Variants in ABLIM1 observed in about 807,000 individuals in gnomAD.
ABLIM1 encodes the protein actin-binding LIM protein 1.
A neutral mutation model predicts 107.0 loss-of-function variants in ABLIM1; 40 were observed. That is an observed-to-expected ratio of 0.37 (90% confidence interval 0.29 to 0.49). The LOEUF (loss-of-function observed/expected upper bound fraction) is 0.49, where lower values mean the gene tolerates loss of function less well. ABLIM1 is among the 20% of genes least tolerant of loss of function. The pLI, the probability that ABLIM1 is intolerant of heterozygous loss-of-function variation, is 0.97. For synonymous variants in ABLIM1, 357 were observed against 357.3 expected (o/e 1.00, Z 0.01); for missense variants, 857 against 1,008.5 (o/e 0.85, Z 2.04).
intron 6 of ABLIM1, among the ~76,000 whole-genome samples, chr10:114,523,877 A>G (rs1373393761): frequency 6.6e-6 from 1 of 152,184 alleles, no homozygotes; most frequent in East Asian, 1.9e-4. Context: ...AAATGCTCAC[A>G]TTTGCTGCAC....
At chr10:114,562,825 A>AC (rs1245389669) in intron 4 of ABLIM1, among the ~76,000 whole-genome samples, 1 of 152,186 alleles carries the variant, frequency 6.6e-6, no homozygotes. Flanking sequence ...TGCTAGGTGC[A>AC]CAGTGCTATT....
chr10:114,573,113 C>T (rs1458106618), intron 3 of ABLIM1, among the ~76,000 whole-genome samples: 1 of 152,188 alleles, frequency 6.6e-6, no homozygotes, highest in Non-Finnish European at 1.5e-5. Context: ...TGGCCCTTTT[C>T]AGTAATTTCC....
At position 114,440,073 on chromosome 10, in the gene ABLIM1, G is replaced by T; in HGVS notation, c.2067+9C>A. 6.2e-7 allele frequency: 1 copy of T among 1,613,776 alleles called. No individual in the cohort carries two copies. Among genetic ancestry groups the T allele is most frequent in the South Asian group, 1.1e-5 (1 of 91,038 alleles). On this transcript the variant is annotated intron_variant, in intron 20 of 22. Transcript: ENST00000533213. ...GTGGCCAATTCAAGAAAGACAAAGTGTTCCATACCTGGTAATCTGAAAAGG... is the reference window on the plus strand; with the variant it reads ...GTGGCCAATTCAAGAAAGACAAAGTTTTCCATACCTGGTAATCTGAAAAGG...
intron 22 of ABLIM1, among the ~76,000 whole-genome samples, chr10:114,436,658 C>T (rs943747194): frequency 1.3e-5 from 2 of 152,126 alleles, no homozygotes; most frequent in Non-Finnish European, 2.9e-5. Context: ...ACATTGGAGA[C>T]AACTCCATCC....
At chr10:114,529,124 CTCT>C (rs1397930894) in intron 6 of ABLIM1, among the ~76,000 whole-genome samples, 2 of 151,016 alleles carry the variant, frequency 1.3e-5, no homozygotes, top group Admixed American at 6.6e-5. Context: ...AGTCTTCATC[CTCT>C]TTTTTTTTTT....
intron 6 of ABLIM1, among the ~76,000 whole-genome samples, chr10:114,508,756 T>C (rs181751484): frequency 5.2e-4 from 79 of 152,358 alleles, no homozygotes; most frequent in Non-Finnish European, 7.8e-4. Context: ...GACATCTTCA[T>C]TGGCAGTTAC....
chr10:114,535,445 G>A (rs2065897189), intron 6 of ABLIM1, among the ~76,000 whole-genome samples: 1 of 152,076 alleles, frequency 6.6e-6, no homozygotes, highest in Non-Finnish European at 1.5e-5. Context: ...TGAGTAGCTG[G>A]GATTACAGAC....
At chr10:114,445,617 G>A (rs2060899743) in intron 15 of ABLIM1, among the ~76,000 whole-genome samples, 1 of 152,190 alleles carries the variant, frequency 6.6e-6, no homozygotes, top group Non-Finnish European at 1.5e-5. Flanking sequence ...TGACAAGCCA[G>A]GTCAACGTGC....
At chr10:114,772,728 G>A (rs1370236607), upstream of ABLIM1, among the ~76,000 whole-genome samples, 1 of 152,172 alleles carries the variant, frequency 6.6e-6, no homozygotes, top group Non-Finnish European at 1.5e-5. Context: ...TGCTGAGTGA[G>A]AGTCAGCAGA....
chr10:114,487,448 T>C (rs1403385075), intron 8 of ABLIM1, among the ~76,000 whole-genome samples: 1 of 152,242 alleles, frequency 6.6e-6, no homozygotes, highest in Non-Finnish European at 1.5e-5. Flanking sequence ...TTCCGAGAAT[T>C]GACTAATTTA....
rs150054998 is a variant in ABLIM1 at position 114,608,181 on chromosome 10, A to G, written c.245-6220T>C. Among the ~76,000 whole-genome samples the G allele has an allele frequency of 3.4e-3, 517 of 152,282 alleles. 3 individuals carry two copies. The highest frequency in any genetic ancestry group is 0.012 in the African/African-American group (494 of 41,548). ...GGAGTTCAAGACCAGCCTGGCCAAC[A>G]TGGTAAGACCCACCTCTACTAAAAA... On this transcript the variant is annotated intron_variant, in intron 1 of 22. Transcript: ENST00000533213.
intron 1 of ABLIM1, among the ~76,000 whole-genome samples, chr10:114,762,066 C>T (rs772252079): frequency 6.1e-4 from 93 of 151,936 alleles, no homozygotes; most frequent in Admixed American, 1.2e-3. Flanking sequence ...TGGAGTCTCA[C>T]TTTGTCGCCC....
At chr10:114,714,583 C>T (rs2081620022) in intron 1 of ABLIM1, among the ~76,000 whole-genome samples, 2 of 152,162 alleles carry the variant, frequency 1.3e-5, no homozygotes, top group Non-Finnish European at 2.9e-5. Flanking sequence ...CATGTGCTAC[C>T]AATGCTGTGC....
intron 1 of ABLIM1, among the ~76,000 whole-genome samples, chr10:114,715,384 T>C (rs2081639523): frequency 6.6e-6 from 1 of 152,186 alleles, no homozygotes; most frequent in South Asian, 2.1e-4. Context: ...GTAAAATCAG[T>C]TGCTAGAAAA....
At chr10:114,798,803 A>T in the ABLIM1 span, among the ~76,000 whole-genome samples, 7 of 148,552 alleles carry the variant, frequency 4.7e-5, no homozygotes, top group Non-Finnish European at 1.0e-4. Context: ...TTTTTAATTA[A>T]TTTTTTTTTT....
intron 6 of ABLIM1, among the ~76,000 whole-genome samples, chr10:114,528,108 T>A (rs964628535): frequency 6.6e-6 from 1 of 152,154 alleles, no homozygotes; most frequent in Non-Finnish European, 1.5e-5. Context: ...AGTGCTGGGA[T>A]TACAGGCGTG....
chr10:114,641,275 A>G (rs12777707), intron 1 of ABLIM1, among the ~76,000 whole-genome samples: 21 of 146,190 alleles, frequency 1.4e-4, no homozygotes, highest in African/African-American at 5.6e-4. Flanking sequence ...AAAAAAAAAA[A>G]GTGGACTTCG....
At chr10:114,567,341 C>G (rs2070903666) in intron 4 of ABLIM1, among the ~76,000 whole-genome samples, 1 of 152,236 alleles carries the variant, frequency 6.6e-6, no homozygotes, top group South Asian at 2.1e-4. Flanking sequence ...ATTATTTAAC[C>G]TCTATGGACA....
intron 2 of ABLIM1, among the ~76,000 whole-genome samples, chr10:114,592,623 C>T (rs1834131401): frequency 6.6e-6 from 1 of 152,058 alleles, no homozygotes; most frequent in South Asian, 2.1e-4. Context: ...GAGAGACCCG[C>T]TAAAATTCTT....
Sources: gnomAD v4.1 joint callset for allele counts (sites outside exome capture counted in the v4.1 genomes callset) on GRCh38, gnomAD v4.1.1 for gene constraint, MANE v1.5 for transcripts, NCBI Gene and HGNC (gene_info 2026-07-23, HGNC 2026-07-21) for gene names.